The following SPCS1 variants were observed in gnomAD, a reference collection of about 807,000 sequenced individuals.
The protein encoded by SPCS1 is SPase 12 kDa subunit.
SPCS1 carries 10 observed loss-of-function variants against 16.4 expected under a neutral mutation model. The ratio of observed to expected loss-of-function variants is 0.61; its 90% confidence interval spans 0.38 to 1.03. The LOEUF is 1.03. SPCS1 is among the 50% of genes least tolerant of loss of function. The pLI is 0.01. For missense variants in SPCS1, 118 were observed against 123.8 expected, an observed-to-expected ratio of 0.95 and a Z score of 0.22; for synonymous variants, 47 against 42.5, an observed-to-expected ratio of 1.10 and a Z score of -0.41.
Position 52,707,629 on chromosome 3 carries a change from AATG to A in SPCS1, c.184-55_184-53del, listed in dbSNP as rs1452526841. 3.9e-5 allele frequency: 62 copies of A among 1,570,306 alleles called. No individual in the cohort carries two copies. In the South Asian group the frequency reaches 6.7e-4, roughly 17 times the overall value. On this transcript the variant is annotated intron_variant, in intron 3 of 3. Transcript: ENST00000619898. Reference sequence around the variant, plus strand: ...CATTTGGGAACCTGGCATTATACGTAATGATTTTTTAAACTTTTAATAGCTATA... The same window carrying A: ...CATTTGGGAACCTGGCATTATACGTAATTTTTTAAACTTTTAATAGCTATA...
rs899564804 is a variant in SPCS1, at chr3:52,706,173, C to A, written c.-74C>A. The A allele has an allele frequency of 3.2e-6, 5 of 1,547,926 alleles. No individual in the cohort carries two copies. The highest frequency in any genetic ancestry group is 3.9e-5 in the Admixed American group (2 of 51,784). On this transcript the variant is annotated 5_prime_UTR_variant, in exon 1 of 4. Transcript: ENST00000619898. Reference sequence around the variant, plus strand: ...GCGCAGTGCCAGACCTTACCCCTCACGGTCCTTAAGTCTCGGTCGCCCTCG... The same window carrying A: ...GCGCAGTGCCAGACCTTACCCCTCAAGGTCCTTAAGTCTCGGTCGCCCTCG...
intron 1 of SPCS1, 53 bp from the exon 2 acceptor site, chr3:52,706,591 T>C: frequency 6.5e-7 from 1 of 1,541,924 alleles, no homozygotes; most frequent in Admixed American, 1.7e-5. Flanking sequence ...AGGGCAGGAA[T>C]TGTATGTTCT....
rs1250055941 is a variant in SPCS1, at chr3:52,710,801, A to C, written c.*2989A>C. The C allele has an allele frequency of 6.6e-6, 1 of 152,162 alleles. No individual in the cohort carries two copies. Among genetic ancestry groups the C allele is most frequent in the East Asian group, 1.9e-4 (1 of 5,196 alleles). The allele number at this position is 152,162 out of a possible 1,614,324, so 9.4% of individuals were successfully genotyped here. On this transcript the variant is annotated 3_prime_UTR_variant, in exon 4 of 4. Transcript: ENST00000619898. ...TGAAAACATTTCTGGAGCAATATTT[A>C]TTTTTAGAGTCCCTCGAATACAGAA...
At position 52,706,138 on chromosome 3, in the gene SPCS1, G is replaced by C. The variant is rs1340191671; in HGVS notation, c.-109G>C. On this transcript the variant is annotated 5_prime_UTR_variant, in exon 1 of 4. Transcript: ENST00000619898. Reference sequence around the variant, plus strand: ...TCGCTCTCCCGGGCTTAGAAGGCCCGGCTACTGACGCGCAGTGCCAGACCT... The same window carrying C: ...TCGCTCTCCCGGGCTTAGAAGGCCCCGCTACTGACGCGCAGTGCCAGACCT... 1 of 1,541,082 alleles carries C rather than the reference G, an allele frequency of 6.5e-7. No individual in the cohort carries two copies. The highest frequency in any genetic ancestry group is 2.0e-5 in the Admixed American group (1 of 51,044).
chr3:52,707,409 G>C (rs985683458), intron 3 of SPCS1: 1 of 292,984 alleles, frequency 3.4e-6, no homozygotes, highest in African/African-American at 2.2e-5. Context: ...GCCCACCTTG[G>C]CCTCCCAGAG....
Position 52,708,039 on chromosome 3 carries a change from GA to G in SPCS1, c.*229del. The G allele has an allele frequency of 2.6e-6, 1 of 386,452 alleles. No individual in the cohort carries two copies. The highest frequency in any genetic ancestry group is 4.7e-6 in the Non-Finnish European group (1 of 213,496). The allele number at this position is 386,452 out of a possible 1,614,324, so 23.9% of individuals were successfully genotyped here. ...GATGGGGAACAGAACACACAAGTAT[GA>G]AGTTTCTTTCAGGTGTAAATAATGA... On this transcript the variant is annotated 3_prime_UTR_variant, in exon 4 of 4. Transcript: ENST00000619898.
rs1326911758 is a variant in SPCS1, at chr3:52,709,081, G to C, written c.*1269G>C. The C allele has an allele frequency of 6.6e-6, 1 of 152,020 alleles. No individual in the cohort carries two copies. 9.4% of individuals were successfully genotyped at this position (152,020 alleles called of 1,614,324 possible). On this transcript the variant is annotated 3_prime_UTR_variant, in exon 4 of 4. Coordinates refer to ENST00000619898, the MANE Select transcript of SPCS1 (RefSeq NM_014041.5). Reference sequence around the variant, plus strand: ...GTGTGCCTGTAATCCCAGCTACTCGGGAGGCTGAGGGAGGGGAACTTGAAC... The same window carrying C: ...GTGTGCCTGTAATCCCAGCTACTCGCGAGGCTGAGGGAGGGGAACTTGAAC...
Position 52,706,109 on chromosome 3 carries a change from G to A in SPCS1, c.-138G>A, listed in dbSNP as rs1265367400. On this transcript the variant is annotated 5_prime_UTR_variant, in exon 1 of 4. Coordinates refer to ENST00000619898, the MANE Select transcript of SPCS1 (RefSeq NM_014041.5). ...GGAGACTTCCGCTTCCGGGGCCGCC[G>A]CCATCGCTCTCCCGGGCTTAGAAGG... 7 of 1,538,850 alleles carry A rather than the reference G, an allele frequency of 4.5e-6. No homozygotes were observed. Among genetic ancestry groups the A allele is most frequent in the South Asian group, 1.2e-5 (1 of 84,002 alleles).
chr3:52,707,574 T>G (rs1264874330), intron 3 of SPCS1, 113 bp from the exon 4 acceptor site: 20 of 1,136,430 alleles, frequency 1.8e-5, no homozygotes, highest in South Asian at 3.1e-5. Flanking sequence ...GATTTTTTTT[T>G]TTGTTTTTTT....
Position 52,708,810 on chromosome 3 carries a change from C to G in SPCS1, c.*998C>G, listed in dbSNP as rs1413967717. On this transcript the variant is annotated 3_prime_UTR_variant, in exon 4 of 4. Transcript: ENST00000619898. ...ATATTCAGTAACACTGCAGTGTAGC[C>G]AGAGCAAGGACATAAAACTTCCTTA... 6.6e-6 allele frequency: 1 copy of G among 151,792 alleles called. No individual in the cohort carries two copies. Among genetic ancestry groups the G allele is most frequent in the African/African-American group, 2.4e-5 (1 of 41,358 alleles). The allele number at this position is 151,792 out of a possible 1,614,324, so 9.4% of individuals were successfully genotyped here. A position where few individuals can be genotyped will look rare whatever the true frequency, so the allele number is the denominator to read the frequency against.
At chr3:52,707,554 T>C (rs2097345841) in intron 3 of SPCS1, 133 bp from the exon 4 acceptor site, 5 of 884,484 alleles carry the variant, frequency 5.7e-6, no homozygotes, top group African/African-American at 1.9e-5. Flanking sequence ...AGAGCCTTTA[T>C]AGGAATATGG....
rs1457950953 is a variant in SPCS1, at chr3:52,710,518, T to C, written c.*2706T>C. On this transcript the variant is annotated 3_prime_UTR_variant, in exon 4 of 4. Coordinates refer to ENST00000619898, the MANE Select transcript of SPCS1 (RefSeq NM_014041.5). ...GCTCATTCCTGTAATCCTGGCACTT[T>C]GGGAGGCTGAGGTGAGTGGATTGCT... The C allele has an allele frequency of 6.6e-6, 1 of 152,154 alleles. No homozygotes were observed. The highest frequency in any genetic ancestry group is 2.4e-5 in the African/African-American group (1 of 41,422). The allele number at this position is 152,154 out of a possible 1,614,324, so 9.4% of individuals were successfully genotyped here. A position where few individuals can be genotyped will look rare whatever the true frequency, so the allele number is the denominator to read the frequency against.
intron 3 of SPCS1, 61 bp from the exon 4 acceptor site, chr3:52,707,626 C>G: frequency 6.4e-7 from 1 of 1,557,500 alleles, no homozygotes. Flanking sequence ...TGGCATTATA[C>G]GTAATGATTT....
In SPCS1 at chr3:52,710,411, T is replaced by C. The variant is rs954301365; in HGVS notation, c.*2599T>C. ...AGTGGCTGTAAAGGGAACATTTCATTAGAGTATTTGTGTGTGTGTGTAATT... is the reference window on the plus strand; with the variant it reads ...AGTGGCTGTAAAGGGAACATTTCATCAGAGTATTTGTGTGTGTGTGTAATT... On this transcript the variant is annotated 3_prime_UTR_variant, in exon 4 of 4. Coordinates refer to ENST00000619898, the MANE Select transcript of SPCS1 (RefSeq NM_014041.5). 2.6e-5 allele frequency: 4 copies of C among 151,342 alleles called. No homozygotes were observed. Among genetic ancestry groups the C allele is most frequent in the Non-Finnish European group, 5.9e-5 (4 of 67,924 alleles). 9.4% of individuals were successfully genotyped at this position (151,342 alleles called of 1,614,324 possible).
rs1004397466 is a variant in SPCS1 at position 52,706,503 on chromosome 3, A to G, written c.37-141A>G. ...TTCAGTTCCTCCCGGGAAGCCCAGA[A>G]TTTAATATCTTGCCCAGGCCCTTAG... is the stretch of plus-strand genomic sequence containing the variant. On this transcript the variant is annotated intron_variant, in intron 1 of 3. Coordinates refer to ENST00000619898, the MANE Select transcript of SPCS1 (RefSeq NM_014041.5). 1.5e-5 allele frequency: 13 copies of G among 887,604 alleles called. No homozygotes were observed. In the African/African-American group the frequency reaches 2.0e-4, roughly 14 times the overall value. 55.0% of individuals were successfully genotyped at this position (887,604 alleles called of 1,614,324 possible). A position where few individuals can be genotyped will look rare whatever the true frequency, so the allele number is the denominator to read the frequency against.
chr3:52,708,331 G>A lies in SPCS1; in HGVS notation c.*519G>A, dbSNP rs969539000. 2.0e-5 allele frequency: 3 copies of A among 152,476 alleles called. No individual in the cohort carries two copies. Among genetic ancestry groups the A allele is most frequent in the Admixed American group, 6.5e-5 (1 of 15,410 alleles). 9.4% of individuals were successfully genotyped at this position (152,476 alleles called of 1,614,324 possible). ...GAGGATGACTTGAGCCCAGGAGTTT[G>A]AGACATTTCATGGTATGTAATTAAT... On this transcript the variant is annotated 3_prime_UTR_variant, in exon 4 of 4. Coordinates refer to ENST00000619898, the MANE Select transcript of SPCS1 (RefSeq NM_014041.5).
rs909630942 is a variant in SPCS1 at position 52,710,218 on chromosome 3, A to T, written c.*2406A>T. ...TCTACTAAAAAAATACAAAAAAATTAGCCGGGCATGGTGGCGGGCAACTGT... is the reference window on the plus strand; with the variant it reads ...TCTACTAAAAAAATACAAAAAAATTTGCCGGGCATGGTGGCGGGCAACTGT... On this transcript the variant is annotated 3_prime_UTR_variant, in exon 4 of 4. Transcript: ENST00000619898. 6.6e-6 allele frequency: 1 copy of T among 150,844 alleles called. No homozygotes were observed. The highest frequency in any genetic ancestry group is 2.4e-5 in the African/African-American group (1 of 41,202). 9.3% of individuals were successfully genotyped at this position (150,844 alleles called of 1,614,324 possible).
Position 52,706,648 on chromosome 3 carries a change from A to T in SPCS1, c.41A>T (p.Tyr14Phe), listed in dbSNP as rs1031736958. The T allele has an allele frequency of 4.3e-6, 7 of 1,613,828 alleles. No individual in the cohort carries two copies. Among genetic ancestry groups the T allele is most frequent in the Non-Finnish European group, 5.9e-6 (7 of 1,179,898 alleles). The change falls in exon 2 of 4, where the codon TAC (tyrosine) becomes TTC (phenylalanine). Residue 14 changes from tyrosine (Y) to phenylalanine (F), a missense_variant. Coordinates refer to ENST00000619898, the MANE Select transcript of SPCS1 (RefSeq NM_014041.5). Reference protein sequence around the residue: ...HLSSLPTQMDYKGQKLAEQMF... With the variant: ...HLSSLPTQMDFKGQKLAEQMF... ...TTTTCCTCTGCTTCACCCCAGGATT[A>T]CAAGGGCCAGAAGCTAGCTGAACAG...
chr3:52,706,341 C>T, intron 1 of SPCS1, 59 bp downstream of exon 1: 1 of 1,545,074 alleles, frequency 6.5e-7, no homozygotes, highest in Admixed American at 1.8e-5. Context: ...GCTTCGAAGC[C>T]CATGTTGGAG....
Sources: allele counts gnomAD v4.1 joint callset, GRCh38; gene constraint gnomAD v4.1.1; transcripts MANE v1.5; gene names NCBI Gene and HGNC (gene_info 2026-07-23, HGNC 2026-07-21).